Variants in IL1RAPL2 observed in about 807,000 individuals in gnomAD.
The protein encoded by IL1RAPL2 is interleukin 1 receptor accessory protein like 2.
IL1RAPL2 carries 3 observed loss-of-function variants against 44.1 expected under a neutral mutation model. That is an observed-to-expected ratio of 0.07 (90% CI 0.03 to 0.18). The LOEUF (loss-of-function observed/expected upper bound fraction) is 0.18. IL1RAPL2 is among the 10% of genes least tolerant of loss of function. The pLI is 1.00. For synonymous variants in IL1RAPL2, 181 were observed against 178.8 expected (o/e 1.01, Z -0.10); for missense variants, 391 against 496.4 (o/e 0.79, Z 2.02).
At chrX:104,950,899 C>T (rs1414686753) in intron 2 of IL1RAPL2, among the ~76,000 whole-genome samples, 2 of 110,947 alleles carry the variant, frequency 1.8e-5, no homozygotes, top group African/African-American at 3.3e-5. Flanking sequence ...TTTTTAAGCC[C>T]GTTTGAAAAG....
chrX:105,396,939 A>G (rs752237211), intron 5 of IL1RAPL2, among the ~76,000 whole-genome samples: 2 of 111,237 alleles, frequency 1.8e-5, no homozygotes, highest in South Asian at 3.9e-4. Context: ...CTTCATCTGT[A>G]TTTACAGCTG....
rs73523347 is a variant in IL1RAPL2 at position 104,702,277 on chromosome X, G to A, written c.82+43282G>A. 7.0e-3 allele frequency among the ~76,000 whole-genome samples: 775 copies of A among 111,471 alleles called. 9 individuals are homozygous for A. Among genetic ancestry groups the A allele is most frequent in the Middle Eastern group, 0.037 (8 of 216 alleles). ...TGTCTTCATGATGTCAGGAAGAGCC[G>A]TTGCAAACAGAAGGTGAACAGTAAA... On this transcript the variant is annotated intron_variant, in intron 2 of 10. Coordinates refer to ENST00000372582, the MANE Select transcript of IL1RAPL2 (RefSeq NM_017416.2).
intron 2 of IL1RAPL2, among the ~76,000 whole-genome samples, chrX:104,678,573 T>G (rs745943925): frequency 8.9e-6 from 1 of 112,157 alleles, no homozygotes; most frequent in East Asian, 2.8e-4. Context: ...GTCACTCTAA[T>G]TTCTGCTTTG....
At chrX:105,071,116 C>A (rs1389647108) in intron 2 of IL1RAPL2, among the ~76,000 whole-genome samples, 1 of 110,942 alleles carries the variant, frequency 9.0e-6, no homozygotes, top group Non-Finnish European at 1.9e-5. Context: ...TCTCTGTAGA[C>A]AACAAGATCA....
intron 5 of IL1RAPL2, among the ~76,000 whole-genome samples, chrX:105,287,225 A>C (rs1178533444): frequency 1.8e-5 from 2 of 111,875 alleles, no homozygotes; most frequent in Non-Finnish European, 3.8e-5. Flanking sequence ...TTAAGCAGAG[A>C]TATAAAGAGT....
chrX:105,481,663 G>A (rs932956458), intron 5 of IL1RAPL2, among the ~76,000 whole-genome samples: 2 of 112,233 alleles, frequency 1.8e-5, no homozygotes, highest in African/African-American at 6.5e-5. Context: ...AAATAAGATT[G>A]CCCAAGAATA....
intron 4 of IL1RAPL2, among the ~76,000 whole-genome samples, chrX:105,259,353 C>G (rs2034339233): frequency 9.0e-6 from 1 of 111,669 alleles, no homozygotes; most frequent in South Asian, 3.8e-4. Flanking sequence ...GTGGCTTCCT[C>G]TCTCCTTTGA....
At chrX:105,457,398 A>G (rs1009626314) in intron 5 of IL1RAPL2, among the ~76,000 whole-genome samples, 2 of 110,029 alleles carry the variant, frequency 1.8e-5, no homozygotes, top group Non-Finnish European at 3.8e-5. Context: ...TTAGATAATA[A>G]CTTGTAATTT....
At chrX:105,468,100 C>T (rs779440907) in intron 5 of IL1RAPL2, among the ~76,000 whole-genome samples, 1 of 111,907 alleles carries the variant, frequency 8.9e-6, no homozygotes, top group Non-Finnish European at 1.9e-5. Context: ...TTTTCTCATA[C>T]AAAACGCTAG....
At chrX:104,998,828 G>T (rs1188600633) in intron 2 of IL1RAPL2, among the ~76,000 whole-genome samples, 1 of 111,101 alleles carries the variant, frequency 9.0e-6, no homozygotes, top group Non-Finnish European at 1.9e-5. Context: ...TTGAGAGAGG[G>T]TCTTGCCCTC....
At chrX:105,343,670 A>C (rs1015693965) in intron 5 of IL1RAPL2, among the ~76,000 whole-genome samples, 16 of 111,705 alleles carry the variant, frequency 1.4e-4, no homozygotes, top group African/African-American at 4.2e-4. Context: ...AGAGACCCAC[A>C]AATAAAATCA....
chrX:105,627,307 T>C (rs1248291511), intron 6 of IL1RAPL2, among the ~76,000 whole-genome samples: 1 of 111,636 alleles, frequency 9.0e-6, no homozygotes, highest in Non-Finnish European at 1.9e-5. Flanking sequence ...AAAAGCGTTA[T>C]CCATTTTACA....
chrX:105,189,521 G>A (rs958438375), intron 2 of IL1RAPL2, among the ~76,000 whole-genome samples: 5 of 112,036 alleles, frequency 4.5e-5, no homozygotes, highest in Admixed American at 9.5e-5. Flanking sequence ...GTGAGCCACC[G>A]CACAGGCTCA....
chrX:105,493,259 T>C (rs1407979925), intron 6 of IL1RAPL2, among the ~76,000 whole-genome samples: 1 of 111,784 alleles, frequency 8.9e-6, no homozygotes, highest in East Asian at 2.8e-4. Flanking sequence ...GGACATATGT[T>C]TCCATTTCTC....
At chrX:105,171,701 T>C (rs1430655196) in intron 2 of IL1RAPL2, among the ~76,000 whole-genome samples, 1 of 103,834 alleles carries the variant, frequency 9.6e-6, no homozygotes, top group East Asian at 3.0e-4. Context: ...AAAAACTGCA[T>C]GTTGTGGGTG....
intron 4 of IL1RAPL2, among the ~76,000 whole-genome samples, chrX:105,254,846 C>T (rs940564906): frequency 1.7e-4 from 19 of 111,875 alleles, no homozygotes; most frequent in African/African-American, 5.5e-4. Flanking sequence ...GCAGCTTTGT[C>T]GAAGATCAGA....
intron 2 of IL1RAPL2, among the ~76,000 whole-genome samples, chrX:104,891,388 G>A (rs918080815): frequency 1.8e-5 from 2 of 112,018 alleles, no homozygotes; most frequent in Admixed American, 9.5e-5. Context: ...ATTACCTTGG[G>A]CAGTATTGCC....
At chrX:105,505,115 A>T (rs2036422333) in intron 6 of IL1RAPL2, among the ~76,000 whole-genome samples, 1 of 111,204 alleles carries the variant, frequency 9.0e-6, no homozygotes, top group Non-Finnish European at 1.9e-5. Context: ...ATGCTCCCTC[A>T]TGTCCACAAA....
chrX:105,476,025 A>G (rs2036195786), intron 5 of IL1RAPL2, among the ~76,000 whole-genome samples: 1 of 112,934 alleles, frequency 8.9e-6, no homozygotes, highest in African/African-American at 3.2e-5. Context: ...GCAAGGCAGG[A>G]CACAGGCTCT....
Sources: allele counts gnomAD v4.1 joint callset (sites outside exome capture counted in the v4.1 genomes callset), GRCh38; gene constraint gnomAD v4.1.1; transcripts MANE v1.5; gene names NCBI Gene and HGNC (gene_info 2026-07-23, HGNC 2026-07-21).